The following CRPPA variants were observed in gnomAD, a reference collection of about 807,000 sequenced individuals.
CRPPA encodes the protein D-ribitol-5-phosphate cytidylyltransferase.
In CRPPA, 43 loss-of-function variants were observed where a neutral mutation model predicts 52.0. That is an observed-to-expected ratio of 0.83 (90% CI 0.65 to 1.07). The LOEUF is 1.07. Among genes scored for constraint, CRPPA ranks in the 50% least tolerant of loss-of-function variants. The pLI is 0.00. For missense variants in CRPPA, 629 were observed against 551.7 expected (o/e 1.14, Z -1.40); for synonymous variants, 250 against 203.5 (o/e 1.23, Z -1.94).
At chr7:16,185,508 G>A (rs10262929) in intron 9 of CRPPA, among the ~76,000 whole-genome samples, 4,344 of 152,218 alleles carry the variant, frequency 0.029, 208 homozygotes, top group African/African-American at 0.099. Context: ...AACGGTGGTG[G>A]CAATAGGCAT....
intron 8 of CRPPA, among the ~76,000 whole-genome samples, chr7:16,256,041 CTA>C (rs1385388529): frequency 6.6e-6 from 1 of 152,116 alleles, no homozygotes; most frequent in Non-Finnish European, 1.5e-5. Context: ...TGCAATCTAT[CTA>C]TCTGACAAAG....
At chr7:16,201,233 A>G (rs750176199) in intron 9 of CRPPA, among the ~76,000 whole-genome samples, 7 of 152,178 alleles carry the variant, frequency 4.6e-5, no homozygotes, top group Non-Finnish European at 1.0e-4. Flanking sequence ...ACGACAGGAG[A>G]CAGACAAATT....
At chr7:16,263,990 A>T (rs1562594791) in intron 6 of CRPPA, among the ~76,000 whole-genome samples, 1 of 151,846 alleles carries the variant, frequency 6.6e-6, no homozygotes, top group Admixed American at 6.6e-5. Flanking sequence ...CCAAACTGCA[A>T]TTTTTTTTCT....
chr7:16,105,669 G>C (rs1305025260), intron 9 of CRPPA, among the ~76,000 whole-genome samples: 1 of 151,998 alleles, frequency 6.6e-6, no homozygotes, highest in African/African-American at 2.4e-5. Context: ...CACCCACAAA[G>C]CTGAGCTGGT....
intron 8 of CRPPA, among the ~76,000 whole-genome samples, chr7:16,249,936 G>A (rs889485364): frequency 6.6e-6 from 1 of 152,176 alleles, no homozygotes; most frequent in African/African-American, 2.4e-5. Flanking sequence ...ACTCCTCCGA[G>A]CTAAGGGAGC....
intron 6 of CRPPA, among the ~76,000 whole-genome samples, chr7:16,265,851 A>G (rs541629112): frequency 6.6e-6 from 1 of 152,300 alleles, no homozygotes; most frequent in South Asian, 2.1e-4. Flanking sequence ...TGTTATAGAT[A>G]ATGCAGTACA....
At chr7:16,403,438 T>C (rs1477415652) in intron 2 of CRPPA, among the ~76,000 whole-genome samples, 1 of 152,148 alleles carries the variant, frequency 6.6e-6, no homozygotes, top group Non-Finnish European at 1.5e-5. Context: ...AATAGAGTTA[T>C]TGTTAGCATA....
chr7:16,404,586 G>A (rs190487597), intron 2 of CRPPA, among the ~76,000 whole-genome samples: 19 of 150,128 alleles, frequency 1.3e-4, no homozygotes, highest in Admixed American at 1.2e-3. Flanking sequence ...GTTATAGTGA[G>A]CTTAAGTGAA....
intron 9 of CRPPA, among the ~76,000 whole-genome samples, chr7:16,158,401 T>G (rs1446016560): frequency 1.3e-5 from 2 of 151,978 alleles, no homozygotes; most frequent in African/African-American, 4.8e-5. Context: ...TGAATAAATT[T>G]CTAATGAAAT....
intron 8 of CRPPA, among the ~76,000 whole-genome samples, chr7:16,219,713 G>A (rs879763016): frequency 5.1e-5 from 6 of 116,878 alleles, no homozygotes; most frequent in African/African-American, 8.7e-5. Flanking sequence ...TAAATTCCTC[G>A]ACACATACAC....
intron 9 of CRPPA, among the ~76,000 whole-genome samples, chr7:16,107,420 A>T (rs955061702): frequency 6.6e-6 from 1 of 152,152 alleles, no homozygotes; most frequent in Non-Finnish European, 1.5e-5. Context: ...CTATAAGCAG[A>T]TTTCTCAGCA....
rs1782301517 is a variant in CRPPA, at chr7:16,216,145, AG to A, written c.1171del (p.Leu391Ter). ...LVPPSQKMENLMQIREFAKEV... is the reference protein window; with the variant it reads ...LVPPSQKMENXMQIREFAKEV... ...CTTTGCAAATTCTCTAATCTGCATT[AG>A]GTTTTCCATTTTCTGACTGGGAGGT... On this transcript the variant is annotated frameshift_variant, in exon 9 of 10. Coordinates refer to ENST00000407010, the MANE Select transcript of CRPPA (RefSeq NM_001101426.4). LOFTEE classifies it high-confidence loss of function. 1 of 1,594,544 alleles carries A rather than the reference AG, an allele frequency of 6.3e-7. No individual in the cohort carries two copies. The highest frequency in any genetic ancestry group is 8.6e-7 in the Non-Finnish European group (1 of 1,164,368).
chr7:16,305,647 C>T (rs1784891438), intron 4 of CRPPA, among the ~76,000 whole-genome samples: 1 of 152,154 alleles, frequency 6.6e-6, no homozygotes, highest in Non-Finnish European at 1.5e-5. Context: ...ACGGGCAGAT[C>T]ACAAAGTCAG....
At chr7:16,163,659 T>C (rs1172509217) in intron 9 of CRPPA, among the ~76,000 whole-genome samples, 1 of 152,194 alleles carries the variant, frequency 6.6e-6, no homozygotes, top group Non-Finnish European at 1.5e-5. Flanking sequence ...GGTACCAGTT[T>C]TTCCTTTCCA....
intron 5 of CRPPA, among the ~76,000 whole-genome samples, chr7:16,289,863 A>C (rs902499859): frequency 2.6e-5 from 4 of 152,176 alleles, no homozygotes; most frequent in Non-Finnish European, 5.9e-5. Flanking sequence ...AGACATCCAA[A>C]ATGGCAAAGA....
chr7:16,136,609 T>TCA (rs200697822), intron 9 of CRPPA, among the ~76,000 whole-genome samples: 5,824 of 152,242 alleles, frequency 0.038, 328 homozygotes, highest in East Asian at 0.3. Context: ...TTGCTAAATA[T>TCA]CACACATTCT....
At chr7:16,180,962 T>A (rs1781401523) in intron 9 of CRPPA, among the ~76,000 whole-genome samples, 1 of 152,014 alleles carries the variant, frequency 6.6e-6, no homozygotes, top group Non-Finnish European at 1.5e-5. Flanking sequence ...GTTATGATTG[T>A]GTGTTTCACA....
At chr7:16,282,425 C>T (rs1784337958) in intron 5 of CRPPA, among the ~76,000 whole-genome samples, 2 of 151,814 alleles carry the variant, frequency 1.3e-5, no homozygotes, top group Admixed American at 6.6e-5. Context: ...AAACACCACC[C>T]CATTAAGTAG....
At chr7:16,221,204 C>T (rs1169635280) in intron 8 of CRPPA, among the ~76,000 whole-genome samples, 1 of 152,164 alleles carries the variant, frequency 6.6e-6, no homozygotes, top group Non-Finnish European at 1.5e-5. Context: ...AAAGGATTCC[C>T]TATTTAATAA....
Sources: gnomAD v4.1 joint callset for allele counts (sites outside exome capture counted in the v4.1 genomes callset) on GRCh38, gnomAD v4.1.1 for gene constraint, MANE v1.5 for transcripts, NCBI Gene and HGNC (gene_info 2026-07-23, HGNC 2026-07-21) for gene names.